The following TMC3 variants were observed in gnomAD, a reference collection of about 807,000 sequenced individuals.
TMC3 encodes the protein transmembrane channel like 3.
A neutral mutation model predicts 110.6 loss-of-function variants in TMC3; 98 were observed. That is an observed-to-expected ratio of 0.89 (90% CI 0.75 to 1.05). The LOEUF (loss-of-function observed/expected upper bound fraction) is 1.05. Among genes scored for constraint, TMC3 ranks in the 50% least tolerant of loss-of-function variants. TMC3 has a pLI of 0.00. For missense variants in TMC3, 1,319 were observed against 1,373.2 expected (o/e 0.96, Z 0.62); for synonymous variants, 489 against 513.1 (o/e 0.95, Z 0.63).
intron 2 of TMC3, among the ~76,000 whole-genome samples, chr15:81,369,496 A>G: frequency 6.6e-6 from 1 of 152,202 alleles, no homozygotes. Context: ...AAGTTTTTAA[A>G]AAGTAAAAGC....
Position 81,345,010 on chromosome 15 carries a change from T to A in TMC3, c.1274A>T (p.Glu425Val). 6.4e-7 allele frequency: 1 copy of A among 1,566,746 alleles called. No homozygotes were observed. The highest frequency in any genetic ancestry group is 8.7e-7 in the Non-Finnish European group (1 of 1,154,988). ...ACTTGTGTTATTTTTGGTAGCCATT[T>A]CCTGGGGAGAGAGAGAGAGAGAGAG... ...LDKVNSMSIE[E>V]MATKNNTSHW... The change falls in exon 13 of 22, where the codon GAA becomes GTA. Residue 425 changes from glutamate (E) to valine (V), a missense_variant and splice_region_variant. By Grantham distance (121) the Glu-to-Val change is moderately radical. Coordinates refer to ENST00000359440, the MANE Select transcript of TMC3 (RefSeq NM_001080532.3).
chr15:81,347,695 GTCTGGGGGAAGTC>G (rs1271523835), intron 11 of TMC3, among the ~76,000 whole-genome samples: 1 of 152,234 alleles, frequency 6.6e-6, no homozygotes, highest in Non-Finnish European at 1.5e-5. Flanking sequence ...GCCCTAATTT[GTCTGGGGGAAGTC>G]TCTGATGCCT....
chr15:81,338,707 C>T lies in TMC3; in HGVS notation c.2029G>A (p.Val677Ile). ...ACCACGGGGCTACTGATGTGTCCAA[C>T]CACGGAGCCAAACCACACAGGAAAG... ...KDFPVWFGSV[V>I]GHISSPVVIL... Residue 677 changes from valine (V) to isoleucine (I), a missense_variant, in exon 18 of 22, where the codon GTT (valine) becomes ATT (isoleucine). By Grantham distance (29) the Val-to-Ile change is conservative. Transcript: ENST00000359440. 6.2e-7 allele frequency: 1 copy of T among 1,614,026 alleles called. No homozygotes were observed. The highest frequency in any genetic ancestry group is 8.5e-7 in the Non-Finnish European group (1 of 1,179,888).
At chr15:81,371,967 A>G (rs1894443331) in intron 2 of TMC3, among the ~76,000 whole-genome samples, 1 of 152,228 alleles carries the variant, frequency 6.6e-6, no homozygotes, top group African/African-American at 2.4e-5. Context: ...AGAAATTAAG[A>G]AAATTAATAT....
rs752591084 is a variant in TMC3, at chr15:81,332,735, C to T, written c.2987G>A (p.Trp996Ter). 2 of 1,613,632 alleles carry T rather than the reference C, an allele frequency of 1.2e-6. No homozygotes were observed. Among genetic ancestry groups the T allele is most frequent in the South Asian group, 2.2e-5 (2 of 91,040 alleles). ...EHQGRVHYKS[W>*]NEDFEGHLER... Reference sequence around the variant, plus strand: ...AAGGTGACCCTCAAAATCTTCATTCCACGACTTGTAGTGCACCCTCCCCTG... The same window carrying T: ...AAGGTGACCCTCAAAATCTTCATTCTACGACTTGTAGTGCACCCTCCCCTG... The change falls in exon 22 of 22, where the codon TGG becomes TAG. Residue 996 changes from tryptophan (W) to a stop codon, truncating the protein, a stop_gained. Coordinates refer to ENST00000359440, the MANE Select transcript of TMC3 (RefSeq NM_001080532.3). LOFTEE classifies it low-confidence loss of function (END_TRUNC).
At position 81,333,634 on chromosome 15, in the gene TMC3, G is replaced by A. The variant is rs183586657; in HGVS notation, c.2460-372C>T. ...CATCCTTTCTGCTAAGCAGCTGTCT[G>A]ACTTCTCAAGCACTTCTCTGAGTTT... On this transcript the variant is annotated intron_variant, in intron 21 of 21. Coordinates refer to ENST00000359440, the MANE Select transcript of TMC3 (RefSeq NM_001080532.3). Among the ~76,000 whole-genome samples, 39 of 152,296 alleles carry A rather than the reference G, an allele frequency of 2.6e-4. No homozygotes were observed. The East Asian group carries it at 4.2e-3, about 17-fold the overall frequency.
intron 2 of TMC3, among the ~76,000 whole-genome samples, chr15:81,371,630 T>G (rs1894436623): frequency 6.6e-6 from 1 of 152,214 alleles, no homozygotes; most frequent in Non-Finnish European, 1.5e-5. Flanking sequence ...GAATCACTAT[T>G]CCTTACTCAC....
At chr15:81,336,324 G>A (rs1239141124) in intron 20 of TMC3, among the ~76,000 whole-genome samples, 2 of 152,148 alleles carry the variant, frequency 1.3e-5, no homozygotes, top group Non-Finnish European at 2.9e-5. Context: ...AGCTCTAGGG[G>A]CTAGCTCTCC....
At chr15:81,352,771 G>A (rs7163199) in intron 9 of TMC3, among the ~76,000 whole-genome samples, 9,497 of 152,174 alleles carry the variant, frequency 0.062, 316 homozygotes, top group African/African-American at 0.08. Flanking sequence ...TCCTGACTCC[G>A]TGCAGGCCTA....
At chr15:81,373,924 G>T in intron 1 of TMC3, 65 bp downstream of exon 1, 1 of 1,445,258 alleles carries the variant, frequency 6.9e-7, no homozygotes, top group South Asian at 1.2e-5. Flanking sequence ...TCGCTCTGGT[G>T]ACCCATGCAT....
chr15:81,366,258 G>C (rs1894314905), intron 3 of TMC3, among the ~76,000 whole-genome samples: 1 of 152,232 alleles, frequency 6.6e-6, no homozygotes. Flanking sequence ...CAAGGTCAGG[G>C]AAGGTCTAGC....
At chr15:81,357,761 A>G (rs1894097329) in intron 7 of TMC3, among the ~76,000 whole-genome samples, 1 of 152,226 alleles carries the variant, frequency 6.6e-6, no homozygotes, top group African/African-American at 2.4e-5. Flanking sequence ...ACCTCTGGTC[A>G]CCTAGATCAT....
At chr15:81,352,898 C>T (rs543368458) in intron 9 of TMC3, among the ~76,000 whole-genome samples, 53 of 152,320 alleles carry the variant, frequency 3.5e-4, no homozygotes, top group Non-Finnish European at 2.1e-4. Flanking sequence ...CGGCTCACTG[C>T]GACCTCTGCC....
In TMC3 at chr15:81,339,434, T is replaced by C; in HGVS notation, c.1915A>G (p.Ile639Val). 6.2e-7 allele frequency: 1 copy of C among 1,611,486 alleles called. No individual in the cohort carries two copies. Among genetic ancestry groups the C allele is most frequent in the Non-Finnish European group, 8.5e-7 (1 of 1,178,842 alleles). The change falls in exon 17 of 22, where the codon ATT becomes GTT. Residue 639 changes from isoleucine to valine, a missense_variant. Transcript: ENST00000359440. ...TTTAGAGATGGCTTGTATCGGACAA[T>C]AGCAAAAATGGTTGGCAGCATGCAC... is the stretch of plus-strand genomic sequence containing the variant. ...FLCMLPTIFA[I>V]VRYKPSLNCG...
intron 3 of TMC3, among the ~76,000 whole-genome samples, chr15:81,366,987 C>T (rs564358403): frequency 5.3e-5 from 8 of 152,030 alleles, no homozygotes; most frequent in South Asian, 4.2e-4. Flanking sequence ...CTAATAATGG[C>T]GATATAAATC....
chr15:81,339,142 A>G (rs550592505), intron 17 of TMC3, among the ~76,000 whole-genome samples: 1 of 152,370 alleles, frequency 6.6e-6, no homozygotes, highest in East Asian at 1.9e-4. Flanking sequence ...AATGTCCTCT[A>G]GCACAGAACA....
chr15:81,356,149 A>G (rs1163201189), intron 8 of TMC3, among the ~76,000 whole-genome samples: 1 of 152,248 alleles, frequency 6.6e-6, no homozygotes, highest in Non-Finnish European at 1.5e-5. Flanking sequence ...TTTTCAGGTT[A>G]TATACATGCA....
intron 19 of TMC3, chr15:81,337,621 G>A (rs1026531431): frequency 3.3e-6 from 2 of 601,520 alleles, no homozygotes; most frequent in African/African-American, 3.7e-5. Flanking sequence ...CTCTTGAGGA[G>A]GAAGAAAAAC....
chr15:81,333,380 T>C (rs992303556), intron 21 of TMC3, 118 bp from the exon 22 acceptor site: 5 of 1,348,070 alleles, frequency 3.7e-6, no homozygotes, highest in Non-Finnish European at 5.0e-6. Flanking sequence ...TTCCAACTGG[T>C]TAATGGGTAT....
Sources: gnomAD v4.1 joint callset for allele counts (sites outside exome capture counted in the v4.1 genomes callset) on GRCh38, gnomAD v4.1.1 for gene constraint, MANE v1.5 for transcripts, NCBI Gene and HGNC (gene_info 2026-07-23, HGNC 2026-07-21) for gene names.